The following TPRG1 variants were observed in gnomAD, a reference collection of about 807,000 sequenced individuals.
The protein encoded by TPRG1 is tumor protein p63 regulated 1.
Under a neutral mutation model 29.3 loss-of-function variants are expected in TPRG1, and 29 were observed. That is an observed-to-expected ratio of 0.99 (90% confidence interval 0.74 to 1.35). The LOEUF (loss-of-function observed/expected upper bound fraction) is 1.35. Among genes scored for constraint, TPRG1 ranks in the 40% most tolerant of loss-of-function variants. TPRG1 has a pLI of 0.00. For synonymous variants in TPRG1, 130 were observed against 116.8 expected (o/e 1.11, Z -0.73); for missense variants, 327 against 335.0 (o/e 0.98, Z 0.19).
chr3:189,020,145 G>A (rs1355277046), intron 3 of TPRG1, among the ~76,000 whole-genome samples: 71 of 151,544 alleles, frequency 4.7e-4, no homozygotes, highest in Non-Finnish European at 8.8e-4. Flanking sequence ...AGTCTTGCTA[G>A]CGGTCTATCT....
intron 4 of TPRG1, among the ~76,000 whole-genome samples, chr3:189,241,425 A>T (rs796071100): frequency 2.4e-4 from 36 of 148,152 alleles, no homozygotes; most frequent in Admixed American, 4.7e-4. Context: ...ACTATAGCCC[A>T]TTTTTTTTTT....
intron 5 of TPRG1, among the ~76,000 whole-genome samples, chr3:189,153,098 G>A (rs935356293): frequency 6.6e-6 from 1 of 152,248 alleles, no homozygotes; most frequent in Non-Finnish European, 1.5e-5. Flanking sequence ...TCCTCTGACA[G>A]TGTACAACGT....
chr3:189,151,838 G>A (rs776500986), intron 5 of TPRG1, among the ~76,000 whole-genome samples: 4 of 152,006 alleles, frequency 2.6e-5, no homozygotes, highest in South Asian at 2.1e-4. Context: ...CCAAGATCAC[G>A]CCATTGCACT....
chr3:189,318,738 A>G (rs1033281079), intron 5 of TPRG1, among the ~76,000 whole-genome samples: 19 of 152,120 alleles, frequency 1.2e-4, no homozygotes, highest in Non-Finnish European at 2.6e-4. Flanking sequence ...CAGAGAATTT[A>G]GATTTGGATG....
At chr3:189,136,906 T>A (rs1723811122) in intron 3 of TPRG1, among the ~76,000 whole-genome samples, 1 of 152,166 alleles carries the variant, frequency 6.6e-6, no homozygotes, top group Admixed American at 6.5e-5. Context: ...AGTCACTCAA[T>A]GATCTTTACT....
intron 1 of TPRG1, among the ~76,000 whole-genome samples, chr3:189,206,658 G>A (rs1270233475): frequency 3.3e-5 from 5 of 151,946 alleles, no homozygotes; most frequent in Non-Finnish European, 7.4e-5. Flanking sequence ...ATTCCGCCAT[G>A]TCTGGCTAAT....
intron 4 of TPRG1, among the ~76,000 whole-genome samples, chr3:189,251,240 A>G (rs751623855): frequency 1.3e-5 from 2 of 152,104 alleles, no homozygotes. Flanking sequence ...GCATATCCAT[A>G]TACTGGTACT....
At chr3:189,061,525 T>C (rs1370346113) in intron 4 of TPRG1, among the ~76,000 whole-genome samples, 1 of 152,104 alleles carries the variant, frequency 6.6e-6, no homozygotes, top group Non-Finnish European at 1.5e-5. Flanking sequence ...TGTGAGACAA[T>C]ATTTGCAAAC....
intron 5 of TPRG1, chr3:189,315,624 A>G (rs1468153312): frequency 1.6e-5 from 6 of 386,662 alleles, no homozygotes; most frequent in African/African-American, 1.1e-4. Context: ...TTGTATTTCT[A>G]TCCATCTTTT....
intron 3 of TPRG1, among the ~76,000 whole-genome samples, chr3:189,017,540 G>C (rs373560678): frequency 2.6e-5 from 4 of 152,174 alleles, no homozygotes; most frequent in African/African-American, 7.2e-5. Context: ...TCATCCATGT[G>C]CCTACAAAGG....
intron 4 of TPRG1, among the ~76,000 whole-genome samples, chr3:189,278,185 G>T (rs1716486663): frequency 6.6e-6 from 1 of 152,064 alleles, no homozygotes. Flanking sequence ...ACAATATTCT[G>T]CCTTTGTAGA....
intron 1 of TPRG1, among the ~76,000 whole-genome samples, chr3:189,102,240 A>G (rs1225446424): frequency 6.6e-6 from 1 of 152,208 alleles, no homozygotes; most frequent in Admixed American, 6.5e-5. Flanking sequence ...CTGTGAAATG[A>G]GAGTAATGAT....
chr3:189,057,438 C>A (rs1006595213), intron 4 of TPRG1, among the ~76,000 whole-genome samples: 10 of 150,566 alleles, frequency 6.6e-5, no homozygotes, highest in African/African-American at 2.4e-4. Flanking sequence ...GAAGAAAAAT[C>A]ATCAGAGATG....
chr3:189,221,357 A>G (rs1171839667), intron 3 of TPRG1, among the ~76,000 whole-genome samples: 1 of 152,178 alleles, frequency 6.6e-6, no homozygotes, highest in African/African-American at 2.4e-5. Flanking sequence ...CCAACCTGGT[A>G]TGTTGTCCTC....
intron 5 of TPRG1, among the ~76,000 whole-genome samples, chr3:189,156,956 C>A (rs148677183): frequency 2.0e-5 from 3 of 152,174 alleles, no homozygotes; most frequent in African/African-American, 7.2e-5. Flanking sequence ...TAGTCCCCAA[C>A]GACCATAGTG....
intron 1 of TPRG1, among the ~76,000 whole-genome samples, chr3:189,113,993 G>C (rs565174770): frequency 1.3e-5 from 2 of 152,020 alleles, no homozygotes. Context: ...TGTAGAATTG[G>C]TATTATTTCT....
chr3:189,269,324 C>A (rs1274015478), intron 4 of TPRG1, among the ~76,000 whole-genome samples: 5 of 152,056 alleles, frequency 3.3e-5, no homozygotes, highest in Admixed American at 1.3e-4. Context: ...TTTTCTAAAT[C>A]TTCTTTTAAT....
At chr3:189,266,308 A>G (rs561699155) in intron 4 of TPRG1, among the ~76,000 whole-genome samples, 2 of 152,136 alleles carry the variant, frequency 1.3e-5, no homozygotes, top group Non-Finnish European at 2.9e-5. Flanking sequence ...CAGTTCCTCT[A>G]TGTGTATTAT....
chr3:189,285,023 T>G (rs1038499613), intron 4 of TPRG1, among the ~76,000 whole-genome samples: 2 of 151,866 alleles, frequency 1.3e-5, no homozygotes, highest in African/African-American at 4.8e-5. Context: ...TGGGAGAAAA[T>G]TTTTGCAATC....
Sources: allele counts gnomAD v4.1 joint callset (sites outside exome capture counted in the v4.1 genomes callset), GRCh38; gene constraint gnomAD v4.1.1; transcripts MANE v1.5; gene names NCBI Gene and HGNC (gene_info 2026-07-23, HGNC 2026-07-21).